The following COL5A2 variants were observed in gnomAD, a reference collection of about 807,000 sequenced individuals.
COL5A2 encodes the protein collagen type V alpha 2 chain.
A neutral mutation model predicts 208.2 loss-of-function variants in COL5A2; 23 were observed. The ratio of observed to expected loss-of-function variants is 0.11; its 90% CI spans 0.08 to 0.16. The LOEUF is 0.16. Among genes scored for constraint, COL5A2 ranks in the 10% least tolerant of loss-of-function variants. COL5A2 has a pLI of 1.00. For missense variants in COL5A2, 1,590 were observed against 1,956.4 expected, an observed-to-expected ratio of 0.81 and a Z score of 3.53; for synonymous variants, 625 against 628.5, an observed-to-expected ratio of 0.99 and a Z score of 0.08.
At chr2:189,147,433 T>C (rs1688061329) in intron 1 of COL5A2, among the ~76,000 whole-genome samples, 1 of 152,134 alleles carries the variant, frequency 6.6e-6, no homozygotes, top group Non-Finnish European at 1.5e-5. Context: ...AACCAGGTGA[T>C]CTGGTGGAAT....
intron 1 of COL5A2, among the ~76,000 whole-genome samples, chr2:189,134,168 C>A (rs1687780661): frequency 6.6e-6 from 1 of 152,134 alleles, no homozygotes; most frequent in African/African-American, 2.4e-5. Flanking sequence ...TCATGCAGAA[C>A]CTTATGCATT....
At chr2:189,137,296 G>A (rs1687844706) in intron 1 of COL5A2, among the ~76,000 whole-genome samples, 1 of 152,124 alleles carries the variant, frequency 6.6e-6, no homozygotes. Context: ...GATGTCTTCT[G>A]AAGTTTTGAA....
At chr2:189,424,128 A>C in the COL5A2 span, among the ~76,000 whole-genome samples, 1 of 152,332 alleles carries the variant, frequency 6.6e-6, no homozygotes, top group Admixed American at 6.5e-5. Context: ...CAGAAAAAGC[A>C]CTTGACAAAA....
chr2:189,126,558 T>C (rs190118841), intron 1 of COL5A2, among the ~76,000 whole-genome samples: 10 of 152,232 alleles, frequency 6.6e-5, no homozygotes, highest in Non-Finnish European at 1.3e-4. Context: ...ATCAGCTCTT[T>C]GGCTTCTAAA....
rs557934723 is a variant in COL5A2 at position 189,159,242 on chromosome 2, T to C, written c.97+20266A>G. Among the ~76,000 whole-genome samples, 4 of 152,346 alleles carry C rather than the reference T, an allele frequency of 2.6e-5. No homozygotes were observed. In the South Asian group the frequency reaches 6.2e-4, roughly 24 times the overall value. On this transcript the variant is annotated intron_variant, in intron 1 of 53. Transcript: ENST00000374866. ...GATGTGGTCTCTGCTTAAGCTGGTCTACATGCATGTTGTTAGTTATATACC... is the reference window on the plus strand; with the variant it reads ...GATGTGGTCTCTGCTTAAGCTGGTCCACATGCATGTTGTTAGTTATATACC...
rs1246325737 is a variant in COL5A2, at chr2:189,035,007, T to G, written c.4262A>C (p.Lys1421Thr). Residue 1421 changes from lysine (K) to threonine (T), a missense_variant, in exon 53 of 54, where the codon AAA (lysine) becomes ACA (threonine). Physicochemically the swap from Lys to Thr is moderately conservative, Grantham distance 78. Transcript: ENST00000374866. ...YMDDQAKNLK[K>T]AVVLKGANDL... ...ATTTGCCCCTTTGAGAACCACAGCT[T>G]TTTTGAGGTTCTTAGCTTGATCGTC... The G allele has an allele frequency of 6.2e-7, 1 of 1,613,834 alleles. No homozygotes were observed. The highest frequency in any genetic ancestry group is 1.3e-5 in the African/African-American group (1 of 74,906).
rs748515902 is a variant in COL5A2 at position 189,052,217 on chromosome 2, T to A, written c.2724A>T (p.Thr908=). The A allele has an allele frequency of 6.2e-7, 1 of 1,613,860 alleles. No homozygotes were observed. Among genetic ancestry groups the A allele is most frequent in the East Asian group, 2.2e-5 (1 of 44,830 alleles). The part of the protein sequence containing the change: ...GRGTQGPPGA[T]GFPGSAGRVG... ...CTCTGCCCGCAGAACCAGGAAATCC[T>A]GTAGCACCCTAGAACCAGAATATCA... The change falls in exon 41 of 54, where the codon ACA becomes ACT. Residue 908 remains threonine (T), a synonymous_variant. Coordinates refer to ENST00000374866, the MANE Select transcript of COL5A2 (RefSeq NM_000393.5).
chr2:189,411,099 T>C, the COL5A2 span, among the ~76,000 whole-genome samples: 4 of 152,278 alleles, frequency 2.6e-5, no homozygotes, highest in East Asian at 3.9e-4. Flanking sequence ...TTCATTCTGC[T>C]ACCTGGAAAA....
the COL5A2 span, among the ~76,000 whole-genome samples, chr2:189,295,274 T>C: frequency 6.6e-6 from 1 of 152,188 alleles, no homozygotes; most frequent in Non-Finnish European, 1.5e-5. Context: ...TGATTCTGTT[T>C]ATCCTTTTAA....
At chr2:189,070,569 C>G (rs1460308521) in intron 18 of COL5A2, among the ~76,000 whole-genome samples, 1 of 152,036 alleles carries the variant, frequency 6.6e-6, no homozygotes, top group African/African-American at 2.4e-5. Flanking sequence ...CCACAAACAC[C>G]CAGGAGGAGA....
intron 2 of COL5A2, among the ~76,000 whole-genome samples, chr2:189,107,263 T>C (rs1218281287): frequency 6.6e-6 from 1 of 151,642 alleles, no homozygotes; most frequent in Non-Finnish European, 1.5e-5. Context: ...AAAATCCATG[T>C]TCTAAGATTT....
chr2:189,160,768 C>A (rs1188092256), intron 1 of COL5A2, among the ~76,000 whole-genome samples: 1 of 151,250 alleles, frequency 6.6e-6, no homozygotes, highest in African/African-American at 2.4e-5. Flanking sequence ...CAAAACAATG[C>A]TAATTAATAT....
chr2:189,032,324 G>A lies in COL5A2; in HGVS notation c.*1746C>T, dbSNP rs1347869724. On this transcript the variant is annotated 3_prime_UTR_variant, in exon 54 of 54. Transcript: ENST00000374866. ...TTAAGGGCAGAGGCAGTGATAATTGGTGTCATGTTGCCTTTGTGGGTAATG... is the reference window on the plus strand; with the variant it reads ...TTAAGGGCAGAGGCAGTGATAATTGATGTCATGTTGCCTTTGTGGGTAATG... 1 of 152,046 alleles carries A rather than the reference G, an allele frequency of 6.6e-6. No homozygotes were observed. Among genetic ancestry groups the A allele is most frequent in the African/African-American group, 2.4e-5 (1 of 41,402 alleles). The allele number at this position is 152,046 out of a possible 1,614,324, so 9.4% of individuals were successfully genotyped here.
chr2:189,224,217 A>AAACACAAC (rs1483379763), intron 1 of COL5A2, among the ~76,000 whole-genome samples: 1 of 152,142 alleles, frequency 6.6e-6, no homozygotes, highest in African/African-American at 2.4e-5. Context: ...GTCAAAAATT[A>AAACACAAC]AACACAACCA....
intron 1 of COL5A2, among the ~76,000 whole-genome samples, chr2:189,171,548 G>A (rs1688574322): frequency 6.6e-6 from 1 of 152,144 alleles, no homozygotes; most frequent in South Asian, 2.1e-4. Context: ...TTGGAATTGT[G>A]CTGATTGAAT....
chr2:189,262,064 C>T, the COL5A2 span, among the ~76,000 whole-genome samples: 1 of 152,086 alleles, frequency 6.6e-6, no homozygotes, highest in African/African-American at 2.4e-5. Flanking sequence ...TTAATCTCAG[C>T]TTCTAATGAG....
chr2:189,375,829 T>A, the COL5A2 span, among the ~76,000 whole-genome samples: 25 of 152,232 alleles, frequency 1.6e-4, no homozygotes, highest in South Asian at 4.1e-4. Flanking sequence ...ACCCTTTATA[T>A]TAGCATGTTA....
rs1371109056 is a variant in COL5A2, at chr2:189,179,559, C to A, written c.46G>T (p.Val16Phe). ...ATTGAGACAAATTGCCCTAATAAAACAATAAGAATGAGGAGAGGTCTTGCT... is the reference window on the plus strand; with the variant it reads ...ATTGAGACAAATTGCCCTAATAAAAAAATAAGAATGAGGAGAGGTCTTGCT... ...AEARPLLILI[V>F]LLGQFVSIKA... Residue 16 changes from valine (V) to phenylalanine (F), a missense_variant, in exon 1 of 54, where the codon GTT becomes TTT. By Grantham distance (50) the Val-to-Phe change is conservative (BLOSUM62 -1). Transcript: ENST00000374866. 1 of 1,610,854 alleles carries A rather than the reference C, an allele frequency of 6.2e-7. No individual in the cohort carries two copies. Among genetic ancestry groups the A allele is most frequent in the South Asian group, 1.1e-5 (1 of 90,428 alleles).
chr2:189,230,973 A>G, the COL5A2 span, among the ~76,000 whole-genome samples: 2 of 151,984 alleles, frequency 1.3e-5, no homozygotes, highest in Non-Finnish European at 2.9e-5. Flanking sequence ...GTGTATACAT[A>G]CAATGGAATA....
Sources: gnomAD v4.1 joint callset for allele counts (sites outside exome capture counted in the v4.1 genomes callset) on GRCh38, gnomAD v4.1.1 for gene constraint, MANE v1.5 for transcripts, NCBI Gene and HGNC (gene_info 2026-07-23, HGNC 2026-07-21) for gene names.